Variants in ATRNL1 observed in about 807,000 individuals in gnomAD.
ATRNL1 encodes the protein attractin like 1.
ATRNL1 carries 95 observed loss-of-function variants against 182.7 expected under a neutral mutation model. That is an observed-to-expected ratio of 0.52 (90% CI 0.44 to 0.62). The LOEUF (loss-of-function observed/expected upper bound fraction) is 0.62, where lower values mean the gene tolerates loss of function less well. Ranked by LOEUF, ATRNL1 falls within the 20% of genes least tolerant of loss-of-function variation. The probability of loss-of-function intolerance (pLI) is 0.00; values close to 1 mark genes in which losing one functional copy is unlikely to be tolerated. For missense variants in ATRNL1, 1,471 were observed against 1,679.5 expected (o/e 0.88, Z 2.17); for synonymous variants, 576 against 568.3 (o/e 1.01, Z -0.19).
chr10:115,371,226 G>C (rs1226807157), intron 19 of ATRNL1, among the ~76,000 whole-genome samples: 2 of 152,192 alleles, frequency 1.3e-5, no homozygotes, highest in Non-Finnish European at 2.9e-5. Flanking sequence ...GTGCAGAAGG[G>C]AATTGTGGGG....
intron 28 of ATRNL1, among the ~76,000 whole-genome samples, chr10:115,891,725 A>T (rs1952083699): frequency 1.3e-5 from 2 of 152,118 alleles, no homozygotes; most frequent in South Asian, 4.1e-4. Flanking sequence ...AAATATCACA[A>T]GAAAGGGTAG....
At chr10:115,202,258 C>A in intron 8 of ATRNL1, among the ~76,000 whole-genome samples, 1 of 151,338 alleles carries the variant, frequency 6.6e-6, no homozygotes, top group African/African-American at 2.4e-5. Flanking sequence ...GCCAGAACTT[C>A]CAACACTATG....
At chr10:115,684,294 A>G (rs1946147627) in intron 26 of ATRNL1, among the ~76,000 whole-genome samples, 2 of 151,360 alleles carry the variant, frequency 1.3e-5, no homozygotes, top group Non-Finnish European at 3.0e-5. Context: ...CTCCAAAATC[A>G]ATGCATTTTG....
At chr10:115,673,618 A>G (rs750618883) in intron 26 of ATRNL1, among the ~76,000 whole-genome samples, 7 of 152,110 alleles carry the variant, frequency 4.6e-5, no homozygotes, top group African/African-American at 7.2e-5. Flanking sequence ...ACACTAGATA[A>G]TATAAAAGTA....
chr10:115,327,381 A>G (rs1386665827), intron 18 of ATRNL1, among the ~76,000 whole-genome samples: 24 of 152,174 alleles, frequency 1.6e-4, no homozygotes, highest in Non-Finnish European at 7.4e-5. Context: ...CAAAACCACA[A>G]TGAGATACCA....
intron 13 of ATRNL1, among the ~76,000 whole-genome samples, chr10:115,270,359 A>AAATATATAAATCTTTTATATAT (rs200573250): frequency 0.7 from 99,128 of 141,802 alleles, 35,478 homozygotes; most frequent in African/African-American, 0.75. Context: ...ATATATAAAC[A>AAATATATAAATCTTTTATATAT]AATATATAAA....
At position 115,675,108 on chromosome 10, in the gene ATRNL1, A is replaced by G. The variant is rs969939919; in HGVS notation, c.3796-52140A>G. ...TTTAAAATCTCATGTTTAGCTGCAC[A>G]TGGTGGCTCATGCCTGTAATTGTAG... On this transcript the variant is annotated intron_variant, in intron 26 of 28. Transcript: ENST00000355044. Among the ~76,000 whole-genome samples, 10 of 152,260 alleles carry G rather than the reference A, an allele frequency of 6.6e-5. No individual in the cohort carries two copies. In the East Asian group the frequency reaches 1.2e-3, roughly 18 times the overall value.
At chr10:115,845,936 C>A (rs1950917407) in intron 27 of ATRNL1, among the ~76,000 whole-genome samples, 1 of 151,828 alleles carries the variant, frequency 6.6e-6, no homozygotes, top group African/African-American at 2.4e-5. Context: ...ATTAAAATAA[C>A]TTTTAGTAGC....
At chr10:115,172,679 C>T (rs568197145) in intron 8 of ATRNL1, among the ~76,000 whole-genome samples, 3 of 151,922 alleles carry the variant, frequency 2.0e-5, no homozygotes, top group Admixed American at 2.0e-4. Context: ...ATTCTTTGAC[C>T]TTACCAGAGC....
intron 8 of ATRNL1, among the ~76,000 whole-genome samples, chr10:115,202,961 G>T (rs1005492507): frequency 1.3e-5 from 2 of 151,360 alleles, no homozygotes; most frequent in Non-Finnish European, 2.9e-5. Flanking sequence ...TTAGTCTTGG[G>T]AGAGTGTATG....
At chr10:115,650,577 T>C (rs1344436992) in intron 26 of ATRNL1, among the ~76,000 whole-genome samples, 5 of 152,030 alleles carry the variant, frequency 3.3e-5, no homozygotes, top group Non-Finnish European at 7.4e-5. Flanking sequence ...ACAGATACGT[T>C]TGAATAGAAA....
chr10:115,119,654 G>C (rs1592126074), intron 1 of ATRNL1, among the ~76,000 whole-genome samples: 1 of 151,832 alleles, frequency 6.6e-6, no homozygotes. Flanking sequence ...TCTTGGACTA[G>C]ATGTAAAGTA....
At chr10:115,784,382 G>A (rs781935482) in intron 27 of ATRNL1, among the ~76,000 whole-genome samples, 5 of 152,122 alleles carry the variant, frequency 3.3e-5, no homozygotes, top group Non-Finnish European at 5.9e-5. Flanking sequence ...CATGATATAG[G>A]TATGCCCAAG....
intron 26 of ATRNL1, among the ~76,000 whole-genome samples, chr10:115,717,545 G>GTTT (rs1555056622): frequency 1.5e-5 from 1 of 65,226 alleles, no homozygotes; most frequent in African/African-American, 4.7e-5. Context: ...TGCCTGAAAT[G>GTTT]TTCTTTTTTT....
intron 26 of ATRNL1, among the ~76,000 whole-genome samples, chr10:115,713,920 AT>A (rs782479875): frequency 5.3e-5 from 8 of 152,194 alleles, no homozygotes; most frequent in South Asian, 2.1e-4. Context: ...AGTTCCGTAA[AT>A]TTAGAACTTG....
chr10:115,125,043 A>G (rs533810939), intron 3 of ATRNL1, among the ~76,000 whole-genome samples: 1 of 152,324 alleles, frequency 6.6e-6, no homozygotes, highest in Non-Finnish European at 1.5e-5. Flanking sequence ...AGAAAAGCAT[A>G]TATACAAAGG....
chr10:115,758,238 G>A (rs1278234378), intron 27 of ATRNL1, among the ~76,000 whole-genome samples: 2 of 151,946 alleles, frequency 1.3e-5, no homozygotes, highest in African/African-American at 4.8e-5. Context: ...GAGGAGGAGA[G>A]GCCTTTTGGT....
intron 27 of ATRNL1, among the ~76,000 whole-genome samples, chr10:115,744,994 A>G (rs2134105717): frequency 6.6e-6 from 1 of 152,290 alleles, no homozygotes; most frequent in East Asian, 1.9e-4. Flanking sequence ...GCAGTCATAC[A>G]GTGACCACAC....
chr10:115,274,565 T>C (rs1852019839), intron 13 of ATRNL1, among the ~76,000 whole-genome samples: 1 of 152,184 alleles, frequency 6.6e-6, no homozygotes, highest in African/African-American at 2.4e-5. Flanking sequence ...CTAGAGTAGT[T>C]GCTACATCTT....
Sources: gnomAD v4.1 joint callset for allele counts (sites outside exome capture counted in the v4.1 genomes callset) on GRCh38, gnomAD v4.1.1 for gene constraint, MANE v1.5 for transcripts, NCBI Gene and HGNC (gene_info 2026-07-23, HGNC 2026-07-21) for gene names.